The following SLC44A1 variants were observed in gnomAD, a reference collection of about 807,000 sequenced individuals.
The protein encoded by SLC44A1 is choline transporter-like protein 1.
In SLC44A1, 26 loss-of-function variants were observed where a neutral mutation model predicts 79.3. The ratio of observed to expected loss-of-function variants is 0.33; its 90% CI spans 0.24 to 0.46. The LOEUF (loss-of-function observed/expected upper bound fraction) is 0.46, where lower values mean the gene tolerates loss of function less well. Among genes scored for constraint, SLC44A1 ranks in the 20% least tolerant of loss-of-function variants. SLC44A1 has a pLI of 1.00. For missense variants in SLC44A1, 688 were observed against 798.1 expected, an observed-to-expected ratio of 0.86 and a Z score of 1.66; for synonymous variants, 263 against 286.2, an observed-to-expected ratio of 0.92 and a Z score of 0.82.
intron 4 of SLC44A1, among the ~76,000 whole-genome samples, chr9:105,342,177 G>A (rs1827114139): frequency 6.6e-6 from 1 of 152,040 alleles, no homozygotes; most frequent in Non-Finnish European, 1.5e-5. Flanking sequence ...GTTATCCATG[G>A]TCAATTGCAG....
At chr9:105,420,733 T>C (rs1829236894) in intron 15 of SLC44A1, among the ~76,000 whole-genome samples, 1 of 151,882 alleles carries the variant, frequency 6.6e-6, no homozygotes, top group Admixed American at 6.6e-5. Context: ...TGGTGACACA[T>C]GCCTGTAATC....
intron 15 of SLC44A1, among the ~76,000 whole-genome samples, chr9:105,427,237 T>A (rs773091462): frequency 6.6e-6 from 1 of 151,072 alleles, no homozygotes; most frequent in Admixed American, 6.6e-5. Context: ...CTGGCCTATC[T>A]TCTCTTTCCC....
Position 105,390,733 on chromosome 9 carries a change from A to G in SLC44A1, c.*1677A>G. On this transcript the variant is annotated 3_prime_UTR_variant, in exon 16 of 16. Coordinates refer to ENST00000374720, the MANE Select transcript of SLC44A1 (RefSeq NM_080546.5). ...TTGGTTTCTTTTAAAAGTTCATGTA[A>G]TATTTCTGATTTTTCAGAATATTTG... 1 of 985,620 alleles carries G rather than the reference A, an allele frequency of 1.0e-6. No homozygotes were observed. The highest frequency in any genetic ancestry group is 1.7e-5 in the African/African-American group (1 of 57,348). The allele number at this position is 985,620 out of a possible 1,614,324, so 61.1% of individuals were successfully genotyped here.
rs983011578 is a variant in SLC44A1, at chr9:105,389,922, G to T, written c.*866G>T. ...TTTGCAGATTAAGTAATGCTGGGAGGAATAAAGAAGGGACAGAAACATGGA... is the reference window on the plus strand; with the variant it reads ...TTTGCAGATTAAGTAATGCTGGGAGTAATAAAGAAGGGACAGAAACATGGA... On this transcript the variant is annotated 3_prime_UTR_variant, in exon 16 of 16. Coordinates refer to ENST00000374720, the MANE Select transcript of SLC44A1 (RefSeq NM_080546.5). 6.6e-6 allele frequency: 10 copies of T among 1,513,672 alleles called. No individual in the cohort carries two copies. The African/African-American group carries it at 7.0e-5, about 11-fold the overall frequency. 93.8% of individuals were successfully genotyped at this position (1,513,672 alleles called of 1,614,324 possible).
intron 3 of SLC44A1, among the ~76,000 whole-genome samples, chr9:105,324,439 G>C (rs1204995645): frequency 6.6e-6 from 1 of 151,626 alleles, no homozygotes; most frequent in Non-Finnish European, 1.5e-5. Flanking sequence ...TTTTTGTAGA[G>C]ATGGGGTTTC....
intron 12 of SLC44A1, among the ~76,000 whole-genome samples, chr9:105,368,491 A>G (rs1443226259): frequency 6.6e-6 from 1 of 152,170 alleles, no homozygotes; most frequent in Non-Finnish European, 1.5e-5. Context: ...TCTGTTTCAT[A>G]GATGAGAAAA....
rs1334956392 is a variant in SLC44A1, at chr9:105,383,276, G to A, written c.1786G>A (p.Val596Ile). The change falls in exon 14 of 16, where the codon GTA (valine) becomes ATA (isoleucine). Residue 596 changes from valine to isoleucine, a missense_variant. Physicochemically the swap from Val to Ile is conservative, Grantham distance 29. Transcript: ENST00000374720. ...GTCTATTTATGAAATGGTAGTGGATGTATTATTCTTGTGTTTTGCCATTGA... is the reference window on the plus strand; with the variant it reads ...GTCTATTTATGAAATGGTAGTGGATATATTATTCTTGTGTTTTGCCATTGA... The part of the protein sequence containing the change: ...FLSIYEMVVD[V>I]LFLCFAIDTK... 2 of 1,613,874 alleles carry A rather than the reference G, an allele frequency of 1.2e-6. No homozygotes were observed. Among genetic ancestry groups the A allele is most frequent in the Non-Finnish European group, 1.7e-6 (2 of 1,179,780 alleles).
intron 3 of SLC44A1, among the ~76,000 whole-genome samples, chr9:105,318,425 C>G (rs760580355): frequency 6.6e-6 from 1 of 152,186 alleles, no homozygotes; most frequent in Non-Finnish European, 1.5e-5. Context: ...AATGTTCCCC[C>G]CACCTCAGCC....
intron 3 of SLC44A1, among the ~76,000 whole-genome samples, chr9:105,326,165 G>A (rs1422520858): frequency 6.6e-6 from 1 of 152,046 alleles, no homozygotes; most frequent in Non-Finnish European, 1.5e-5. Flanking sequence ...CAACCTCTTG[G>A]GCTTGAGTAA....
At chr9:105,264,100 C>G (rs970829590) in intron 1 of SLC44A1, among the ~76,000 whole-genome samples, 1 of 152,156 alleles carries the variant, frequency 6.6e-6, no homozygotes, top group Non-Finnish European at 1.5e-5. Context: ...GCACCTACTT[C>G]GGGTTGCCCT....
intron 2 of SLC44A1, among the ~76,000 whole-genome samples, chr9:105,302,141 G>A (rs560359940): frequency 9.6e-4 from 146 of 152,210 alleles, no homozygotes; most frequent in African/African-American, 3.4e-3. Flanking sequence ...GCAAGTTGCT[G>A]TCAGCCTTCT....
intron 4 of SLC44A1, among the ~76,000 whole-genome samples, chr9:105,347,993 T>C (rs1470967911): frequency 6.6e-6 from 1 of 152,054 alleles, no homozygotes; most frequent in East Asian, 1.9e-4. Context: ...TTACCTTATC[T>C]CTTAGCCTCT....
chr9:105,281,668 A>G (rs551419124), intron 1 of SLC44A1, among the ~76,000 whole-genome samples: 4 of 152,244 alleles, frequency 2.6e-5, no homozygotes, highest in Middle Eastern at 3.4e-3. Context: ...TTTTTATTCT[A>G]CAGTGGATGA....
At chr9:105,294,429 G>A (rs918300337) in intron 1 of SLC44A1, among the ~76,000 whole-genome samples, 12 of 151,608 alleles carry the variant, frequency 7.9e-5, no homozygotes, top group East Asian at 1.9e-4. Context: ...TTCTGTCAGC[G>A]TAGAATTTGG....
chr9:105,431,069 G>A (rs1399063078), intron 15 of SLC44A1, among the ~76,000 whole-genome samples: 2 of 152,112 alleles, frequency 1.3e-5, no homozygotes, highest in African/African-American at 2.4e-5. Flanking sequence ...CAAATTATCT[G>A]TCTTTTCCTT....
At chr9:105,255,592 C>T (rs1829685720) in intron 1 of SLC44A1, among the ~76,000 whole-genome samples, 1 of 152,184 alleles carries the variant, frequency 6.6e-6, no homozygotes, top group African/African-American at 2.4e-5. Flanking sequence ...TGTTATACTT[C>T]CTCATTGCCA....
At chr9:105,430,252 T>C (rs1203893682) in intron 15 of SLC44A1, among the ~76,000 whole-genome samples, 2 of 152,228 alleles carry the variant, frequency 1.3e-5, no homozygotes, top group East Asian at 1.9e-4. Context: ...TTCATAGTTA[T>C]TTTCTTTCTC....
intron 1 of SLC44A1, among the ~76,000 whole-genome samples, chr9:105,247,942 C>G (rs967729773): frequency 1.3e-5 from 2 of 152,198 alleles, no homozygotes; most frequent in African/African-American, 4.8e-5. Flanking sequence ...TTTCTATATC[C>G]CTTCCTGTTC....
intron 15 of SLC44A1, among the ~76,000 whole-genome samples, chr9:105,420,052 C>T (rs1182190232): frequency 6.6e-6 from 1 of 152,128 alleles, no homozygotes; most frequent in African/African-American, 2.4e-5. Flanking sequence ...GTGCCTATGC[C>T]GTTCAGCAGT....
Sources: gnomAD v4.1 joint callset for allele counts (sites outside exome capture counted in the v4.1 genomes callset) on GRCh38, gnomAD v4.1.1 for gene constraint, MANE v1.5 for transcripts, NCBI Gene and HGNC (gene_info 2026-07-23, HGNC 2026-07-21) for gene names.